Variants in SEMA6D observed in about 807,000 individuals in gnomAD.
SEMA6D encodes the protein semaphorin 6D.
SEMA6D carries 35 observed loss-of-function variants against 106.6 expected under a neutral mutation model. That is an observed-to-expected ratio of 0.33 (90% CI 0.25 to 0.44). SEMA6D has a LOEUF of 0.44. Among genes scored for constraint, SEMA6D ranks in the 20% least tolerant of loss-of-function variants. The pLI, the probability that SEMA6D is intolerant of heterozygous loss-of-function variation, is 1.00. For missense variants in SEMA6D, 1,185 were observed against 1,345.9 expected (o/e 0.88, Z 1.87); for synonymous variants, 499 against 487.7 (o/e 1.02, Z -0.31).
Position 47,764,374 on chromosome 15 carries a change from C to T in SEMA6D, c.1097+69C>T, listed in dbSNP as rs2082223539. 1.9e-6 allele frequency: 3 copies of T among 1,547,296 alleles called. No individual in the cohort carries two copies. The East Asian group carries it at 6.8e-5, about 35-fold the overall frequency. On this transcript the variant is annotated intron_variant, in intron 11 of 18. Transcript: ENST00000536845. ...TCCGGTCATTGGAAGCATCCCTCCT[C>T]AGGGAGCAGCTTGGCCAACCTCCCA... is the stretch of plus-strand genomic sequence containing the variant.
intron 10 of SEMA6D, 25 bp from the exon 11 acceptor site, chr15:47,764,149 T>A (rs1251007752): frequency 6.2e-7 from 1 of 1,613,014 alleles, no homozygotes; most frequent in Non-Finnish European, 8.5e-7. Flanking sequence ...GCCAGCCTCT[T>A]CCTGATGATT....
chr15:47,275,431 A>T (rs62014049), intron 1 of SEMA6D, among the ~76,000 whole-genome samples: 1 of 152,052 alleles, frequency 6.6e-6, no homozygotes, highest in Non-Finnish European at 1.5e-5. Flanking sequence ...TATCAGTGCA[A>T]TTTTTCCAAC....
chr15:47,686,269 C>T lies in SEMA6D; in HGVS notation c.-54-73476C>T, dbSNP rs564095576. 1.1e-4 allele frequency among the ~76,000 whole-genome samples: 17 copies of T among 152,006 alleles called. 1 individual carries two copies. The South Asian group carries it at 3.3e-3, about 30-fold the overall frequency. Reference sequence around the variant, plus strand: ...AATTAAGGCAAAAAGAAAAAAAAAACTTTAAATATTTAGATGTCTCAGAAG... The same window carrying T: ...AATTAAGGCAAAAAGAAAAAAAAAATTTTAAATATTTAGATGTCTCAGAAG... On this transcript the variant is annotated intron_variant, in intron 4 of 19. Coordinates refer to the SEMA6D transcript ENST00000558014.
At chr15:47,457,063 G>T (rs1365843338) in intron 2 of SEMA6D, among the ~76,000 whole-genome samples, 1 of 151,984 alleles carries the variant, frequency 6.6e-6, no homozygotes, top group African/African-American at 2.4e-5. Context: ...TCCAGCCAGA[G>T]TGGAAAAACT....
chr15:47,233,146 CAA>C (rs983149487), intron 1 of SEMA6D, among the ~76,000 whole-genome samples: 2 of 151,900 alleles, frequency 1.3e-5, no homozygotes, highest in African/African-American at 4.8e-5. Flanking sequence ...GGTCCAAATT[CAA>C]AGTTTTGCAT....
chr15:47,724,240 G>A (rs943959959), intron 1 of SEMA6D, among the ~76,000 whole-genome samples: 4 of 152,252 alleles, frequency 2.6e-5, no homozygotes, highest in African/African-American at 9.6e-5. Flanking sequence ...AGTTGTTCTT[G>A]CCATTGCTGG....
At chr15:47,442,441 G>A (rs2041909978) in intron 2 of SEMA6D, among the ~76,000 whole-genome samples, 1 of 152,058 alleles carries the variant, frequency 6.6e-6, no homozygotes, top group South Asian at 2.1e-4. Flanking sequence ...ACTTTAGCCT[G>A]CATTTGGGGA....
intron 2 of SEMA6D, among the ~76,000 whole-genome samples, chr15:47,431,806 C>G (rs572071350): frequency 3.1e-4 from 47 of 152,070 alleles, no homozygotes; most frequent in Admixed American, 1.6e-3. Flanking sequence ...TGAAAATGCT[C>G]GTGACATCAT....
At chr15:47,666,200 CTCAGCTAGTGTTT>C (rs2078023375) in intron 4 of SEMA6D, among the ~76,000 whole-genome samples, 1 of 152,184 alleles carries the variant, frequency 6.6e-6, no homozygotes, top group Non-Finnish European at 1.5e-5. Flanking sequence ...AGATTTCCTG[CTCAGCTAGTGTTT>C]ACATCTTCAC....
chr15:47,613,380 C>T (rs1485439245), intron 4 of SEMA6D, among the ~76,000 whole-genome samples: 1 of 152,082 alleles, frequency 6.6e-6, no homozygotes, highest in East Asian at 1.9e-4. Flanking sequence ...AATTTCCTTC[C>T]AGGTTTTGAG....
chr15:47,445,488 C>T (rs2042002657), intron 2 of SEMA6D, among the ~76,000 whole-genome samples: 1 of 152,030 alleles, frequency 6.6e-6, no homozygotes, highest in Non-Finnish European at 1.5e-5. Context: ...TCATTTTAAC[C>T]TATCCCTGCT....
chr15:47,345,355 G>GTA (rs1484815082), intron 1 of SEMA6D, among the ~76,000 whole-genome samples: 3 of 152,166 alleles, frequency 2.0e-5, no homozygotes, highest in Non-Finnish European at 4.4e-5. Context: ...TGGTATTGGA[G>GTA]TAAAAAGATC....
chr15:47,618,577 G>A (rs2077046278), intron 4 of SEMA6D, among the ~76,000 whole-genome samples: 1 of 152,224 alleles, frequency 6.6e-6, no homozygotes, highest in Non-Finnish European at 1.5e-5. Flanking sequence ...TAGCTTTAGG[G>A]ATTTTTGTGT....
intron 3 of SEMA6D, among the ~76,000 whole-genome samples, chr15:47,533,203 A>C (rs1209349861): frequency 6.6e-6 from 1 of 152,228 alleles, no homozygotes; most frequent in African/African-American, 2.4e-5. Context: ...AGATGGTAAG[A>C]AATTATAATG....
chr15:47,246,377 A>G (rs2033199916), intron 1 of SEMA6D, among the ~76,000 whole-genome samples: 1 of 152,162 alleles, frequency 6.6e-6, no homozygotes, highest in African/African-American at 2.4e-5. Flanking sequence ...ACACAAGTAC[A>G]GCCTACGGTA....
At chr15:47,572,114 G>C (rs1007403987) in intron 3 of SEMA6D, among the ~76,000 whole-genome samples, 6 of 152,152 alleles carry the variant, frequency 3.9e-5, no homozygotes, top group African/African-American at 1.4e-4. Flanking sequence ...GGCAGTACAG[G>C]TTTCTGAAAG....
chr15:47,754,355 G>C (rs2081601894), intron 1 of SEMA6D, among the ~76,000 whole-genome samples: 1 of 152,134 alleles, frequency 6.6e-6, no homozygotes, highest in Admixed American at 6.6e-5. Context: ...ACAAATCTGA[G>C]TTTTTATTTG....
intron 1 of SEMA6D, among the ~76,000 whole-genome samples, chr15:47,258,039 G>A (rs1253455055): frequency 6.6e-6 from 1 of 151,894 alleles, no homozygotes; most frequent in African/African-American, 2.4e-5. Flanking sequence ...TACTTTATTG[G>A]ATATTAATAC....
chr15:47,332,032 C>G (rs773670555), intron 1 of SEMA6D, among the ~76,000 whole-genome samples: 2 of 152,140 alleles, frequency 1.3e-5, no homozygotes, highest in Non-Finnish European at 2.9e-5. Context: ...CTCTTTGTCT[C>G]TTTATTATTA....
Sources: allele counts gnomAD v4.1 joint callset (sites outside exome capture counted in the v4.1 genomes callset), GRCh38; gene constraint gnomAD v4.1.1; transcripts MANE v1.5; gene names NCBI Gene and HGNC (gene_info 2026-07-23, HGNC 2026-07-21).